The following FUCA1 variants were observed in gnomAD, a reference collection of about 807,000 sequenced individuals.
The protein encoded by FUCA1 is tissue alpha-L-fucosidase.
FUCA1 carries 52 observed loss-of-function variants against 56.8 expected under a neutral mutation model. The observed-to-expected ratio is 0.92, with a 90% CI of 0.73 to 1.15. The LOEUF (loss-of-function observed/expected upper bound fraction) is 1.15, where lower values mean the gene tolerates loss of function less well. FUCA1 is among the 50% of genes most tolerant of loss of function. The pLI is 0.00. For synonymous variants in FUCA1, 230 were observed against 226.6 expected, an observed-to-expected ratio of 1.02 and a Z score of -0.14; for missense variants, 568 against 592.6, an observed-to-expected ratio of 0.96 and a Z score of 0.43.
chr1:23,850,104 C>A (rs1368768236), intron 5 of FUCA1, among the ~76,000 whole-genome samples: 1 of 151,906 alleles, frequency 6.6e-6, no homozygotes, highest in Non-Finnish European at 1.5e-5. Context: ...TACCTGAGGT[C>A]AGGAGTTTGA....
chr1:23,858,505 G>A (rs1639440708), intron 4 of FUCA1, among the ~76,000 whole-genome samples: 1 of 152,188 alleles, frequency 6.6e-6, no homozygotes, highest in Non-Finnish European at 1.5e-5. Flanking sequence ...TAGGGTTTCC[G>A]CTACTTTGCA....
intron 3 of FUCA1, among the ~76,000 whole-genome samples, chr1:23,861,271 C>T (rs1384003843): frequency 2.2e-5 from 3 of 138,400 alleles, no homozygotes; most frequent in Admixed American, 1.6e-4. Flanking sequence ...TGCAGTGAGC[C>T]GAGATTGCGC....
chr1:23,868,030 C>A lies in FUCA1; in HGVS notation c.257G>T (p.Arg86Leu). ...WFWWHWQGEG[R>L]PQYQRFMRDN... ...GCGCATGAAGCGCTGGTACTGCGGC[C>A]GCCCCTCGCCCTGCCAGTGCCACCA... The change falls in exon 1 of 8, where the codon CGG becomes CTG. Residue 86 changes from arginine (R) to leucine (L), a missense_variant. Transcript: ENST00000374479. 2 of 1,609,126 alleles carry A rather than the reference C, an allele frequency of 1.2e-6. No homozygotes were observed. The highest frequency in any genetic ancestry group is 1.7e-5 in the Admixed American group (1 of 59,416).
intron 6 of FUCA1, among the ~76,000 whole-genome samples, chr1:23,846,829 G>A (rs1342696065): frequency 3.3e-5 from 5 of 152,060 alleles, no homozygotes; most frequent in Admixed American, 1.3e-4. Flanking sequence ...TGATCCACCC[G>A]CCTCGGCCTC....
At chr1:23,863,909 G>A (rs1639565268) in intron 2 of FUCA1, among the ~76,000 whole-genome samples, 1 of 151,860 alleles carries the variant, frequency 6.6e-6, no homozygotes, top group African/African-American at 2.4e-5. Flanking sequence ...TTTAAAAAAT[G>A]TCTTCCCTGT....
chr1:23,845,499 C>A lies in FUCA1; in HGVS notation c.*216G>T. 1 of 600,506 alleles carries A rather than the reference C, an allele frequency of 1.7e-6. No homozygotes were observed. The highest frequency in any genetic ancestry group is 3.0e-6 in the Non-Finnish European group (1 of 338,558). The allele number at this position is 600,506 out of a possible 1,614,324, so 37.2% of individuals were successfully genotyped here. On this transcript the variant is annotated 3_prime_UTR_variant, in exon 8 of 8. Coordinates refer to ENST00000374479, the MANE Select transcript of FUCA1 (RefSeq NM_000147.5). ...GAGTTCAACTGCTCAGTTCCTTCTT[C>A]TGCTGACCTGATACAGATATAATCA...
chr1:23,857,469 C>A (rs1384871656), intron 4 of FUCA1, among the ~76,000 whole-genome samples: 1 of 151,968 alleles, frequency 6.6e-6, no homozygotes, highest in East Asian at 1.9e-4. Context: ...TCTGGGAGGT[C>A]ACAAACATTC....
At position 23,845,452 on chromosome 1, in the gene FUCA1, A is replaced by G. The variant is rs552366891; in HGVS notation, c.*263T>C. The G allele has an allele frequency of 1.4e-5, 7 of 513,170 alleles. No homozygotes were observed. The highest frequency in any genetic ancestry group is 2.5e-5 in the Non-Finnish European group (7 of 284,252). 31.8% of individuals were successfully genotyped at this position (513,170 alleles called of 1,614,324 possible). A position where few individuals can be genotyped will look rare whatever the true frequency, so the allele number is the denominator to read the frequency against. On this transcript the variant is annotated 3_prime_UTR_variant, in exon 8 of 8. Coordinates refer to ENST00000374479, the MANE Select transcript of FUCA1 (RefSeq NM_000147.5). ...AAGATTCCATTGTAGATAATTTCCA[A>G]ATATTACAATTGATGAACTCAGAGT...
intron 7 of FUCA1, 80 bp downstream of exon 7, chr1:23,845,994 C>T: frequency 8.6e-6 from 13 of 1,509,126 alleles, no homozygotes; most frequent in Non-Finnish European, 1.2e-5. Context: ...TGGGAGAAAC[C>T]TGGCAGGGAA....
At chr1:23,863,303 T>C (rs184674121) in intron 2 of FUCA1, 32 bp from the exon 3 acceptor site, 12 of 1,606,156 alleles carry the variant, frequency 7.5e-6, no homozygotes, top group East Asian at 6.7e-5. Context: ...GCAACTGTCA[T>C]TAAGCATAGA....
At chr1:23,858,869 T>TC (rs1165821509) in intron 4 of FUCA1, among the ~76,000 whole-genome samples, 1 of 152,196 alleles carries the variant, frequency 6.6e-6, no homozygotes, top group African/African-American at 2.4e-5. Context: ...CACGTCAGCC[T>TC]CCCCCCACAT....
intron 1 of FUCA1, among the ~76,000 whole-genome samples, chr1:23,866,493 A>G (rs568446958): frequency 3.3e-4 from 50 of 152,372 alleles, no homozygotes; most frequent in African/African-American, 1.2e-3. Context: ...ATGGCACAAA[A>G]ATAGGTAATG....
At chr1:23,853,401 GC>G (rs1254745615) in intron 5 of FUCA1, among the ~76,000 whole-genome samples, 4 of 146,208 alleles carry the variant, frequency 2.7e-5, no homozygotes, top group Admixed American at 6.7e-5. Flanking sequence ...GGGGGGGTCA[GC>G]CCCCCGCCTG....
chr1:23,853,356 C>G (rs1440387798), intron 5 of FUCA1, among the ~76,000 whole-genome samples: 1 of 151,708 alleles, frequency 6.6e-6, no homozygotes, highest in Non-Finnish European at 1.5e-5. Flanking sequence ...GGGGTCAGCC[C>G]CCGCCCGGCC....
At chr1:23,848,598 T>A (rs765887901) in intron 6 of FUCA1, 51 bp downstream of exon 6, 3 of 1,569,942 alleles carry the variant, frequency 1.9e-6, no homozygotes, top group Non-Finnish European at 1.8e-6. Context: ...AGATACCAGT[T>A]CCGGATGGGG....
intron 5 of FUCA1, among the ~76,000 whole-genome samples, chr1:23,852,629 C>G (rs1639287948): frequency 6.6e-6 from 1 of 152,126 alleles, no homozygotes; most frequent in Non-Finnish European, 1.5e-5. Flanking sequence ...GTGCGCGCCA[C>G]CACGCCTGAC....
chr1:23,853,336 G>C (rs1188440054), intron 5 of FUCA1, among the ~76,000 whole-genome samples: 3 of 151,848 alleles, frequency 2.0e-5, no homozygotes, highest in African/African-American at 7.3e-5. Flanking sequence ...CCCCATCCGG[G>C]AGGGAGGTGG....
intron 3 of FUCA1, among the ~76,000 whole-genome samples, chr1:23,861,426 T>C (rs1254964545): frequency 2.0e-5 from 3 of 149,828 alleles, no homozygotes; most frequent in Non-Finnish European, 4.4e-5. Flanking sequence ...TCCTAAAACT[T>C]AAAGTATAAT....
At chr1:23,866,816 T>C (rs1350399375) in intron 1 of FUCA1, among the ~76,000 whole-genome samples, 1 of 152,164 alleles carries the variant, frequency 6.6e-6, no homozygotes, top group East Asian at 1.9e-4. Context: ...ATAAAAGGCA[T>C]GGAAAGAGGT....
Sources: gnomAD v4.1 joint callset for allele counts (sites outside exome capture counted in the v4.1 genomes callset) on GRCh38, gnomAD v4.1.1 for gene constraint, MANE v1.5 for transcripts, NCBI Gene and HGNC (gene_info 2026-07-23, HGNC 2026-07-21) for gene names.